Variants in RETREG3 observed in about 807,000 individuals in gnomAD.
RETREG3 encodes the protein reticulophagy regulator 3.
Under a neutral mutation model 50.2 loss-of-function variants are expected in RETREG3, and 23 were observed. The observed-to-expected ratio is 0.46, with a 90% confidence interval of 0.33 to 0.65. The LOEUF is 0.65. Among genes scored for constraint, RETREG3 ranks in the 30% least tolerant of loss-of-function variants. RETREG3 has a pLI of 0.02. For missense variants in RETREG3, 546 were observed against 598.0 expected, an observed-to-expected ratio of 0.91 and a Z score of 0.91; for synonymous variants, 240 against 234.4, an observed-to-expected ratio of 1.02 and a Z score of -0.22.
intron 1 of RETREG3, among the ~76,000 whole-genome samples, chr17:42,606,997 A>G (rs1024009048): frequency 2.0e-5 from 3 of 152,112 alleles, no homozygotes; most frequent in Non-Finnish European, 4.4e-5. Context: ...AACTGTCTCA[A>G]AACAAAAATA....
chr17:42,594,832 C>T (rs759523378), intron 1 of RETREG3, among the ~76,000 whole-genome samples: 2 of 152,020 alleles, frequency 1.3e-5, no homozygotes, highest in Admixed American at 6.6e-5. Context: ...GGCTGGGCGA[C>T]AGAGTGGAAC....
rs1309031140 is a variant in RETREG3 at position 42,582,176 on chromosome 17, C to T, written c.1038G>A (p.Glu346=). 2 of 1,614,048 alleles carry T rather than the reference C, an allele frequency of 1.2e-6. No individual in the cohort carries two copies. The highest frequency in any genetic ancestry group is 1.7e-6 in the Non-Finnish European group (2 of 1,180,016). ...TGGGCATGCCAATGCTAGTGTCGTC[C>T]TCATCATCCAGGCCAGCAGGATCCA... ...INMDPAGLDD[E]DDTSIGMPSL... The change falls in exon 9 of 9, where the codon GAG becomes GAA. Residue 346 remains glutamate, a synonymous_variant. Transcript: ENST00000309428.
rs372001517 is a variant in RETREG3 at position 42,590,362 on chromosome 17, G to A, written c.346+1694C>T. 6.6e-5 allele frequency among the ~76,000 whole-genome samples: 10 copies of A among 151,944 alleles called. No individual in the cohort carries two copies. The East Asian group carries it at 1.2e-3, about 18-fold the overall frequency. On this transcript the variant is annotated intron_variant, in intron 2 of 8. Coordinates refer to ENST00000309428, the MANE Select transcript of RETREG3 (RefSeq NM_178126.4). ...CTCCAAAACCTGGACAACACAGTGA[G>A]ACCTAGTTTGTTAAAAAATAAGAAT...
At chr17:42,609,010 G>A (rs2093173955) in intron 1 of RETREG3, 76 bp downstream of exon 1, 1 of 1,420,836 alleles carries the variant, frequency 7.0e-7, no homozygotes, top group South Asian at 1.3e-5. Context: ...AGAAAACAGG[G>A]CAGGCGAGAA....
intron 4 of RETREG3, 98 bp downstream of exon 4, chr17:42,586,667 C>T (rs2093121914): frequency 1.3e-6 from 2 of 1,488,110 alleles, no homozygotes; most frequent in East Asian, 2.3e-5. Flanking sequence ...ATAGTCTTTA[C>T]TTTCTTGAAT....
intron 5 of RETREG3, 140 bp from the exon 6 acceptor site, chr17:42,585,402 C>T: frequency 2.4e-6 from 3 of 1,230,236 alleles, no homozygotes; most frequent in Non-Finnish European, 3.3e-6. Flanking sequence ...GTCATCTTCA[C>T]CAGTCTCCCC....
intron 1 of RETREG3, among the ~76,000 whole-genome samples, chr17:42,604,757 A>C (rs917839420): frequency 2.6e-5 from 4 of 151,474 alleles, no homozygotes; most frequent in Non-Finnish European, 4.4e-5. Flanking sequence ...TCCTTGAACT[A>C]TCTCTTCATG....
chr17:42,587,012 C>T lies in RETREG3; in HGVS notation c.378-121G>A, dbSNP rs1384842908. On this transcript the variant is annotated intron_variant, in intron 3 of 8. Transcript: ENST00000309428. ...TTTGGGGAGTGACTAGGCCCAGGTG[C>T]TTTGGAGGTGAAGCATGACTTTCTT... is the stretch of plus-strand genomic sequence containing the variant. The T allele has an allele frequency of 2.3e-6, 3 of 1,327,168 alleles. No homozygotes were observed. In the African/African-American group the frequency reaches 4.4e-5, roughly 20 times the overall value. 82.2% of individuals were successfully genotyped at this position (1,327,168 alleles called of 1,614,324 possible).
rs2093108697 is a variant in RETREG3 at position 42,581,560 on chromosome 17, C to T, written c.*253G>A. 2.2e-6 allele frequency: 1 copy of T among 458,934 alleles called. No homozygotes were observed. Among genetic ancestry groups the T allele is most frequent in the African/African-American group, 2.0e-5 (1 of 50,688 alleles). 28.4% of individuals were successfully genotyped at this position (458,934 alleles called of 1,614,324 possible). ...TGACTATTTTGTTCCCCCAAAGTAC[C>T]ATCCTGATGGAGAGAAGCCTCCCTT... is the stretch of plus-strand genomic sequence containing the variant. On this transcript the variant is annotated 3_prime_UTR_variant, in exon 9 of 9. Transcript: ENST00000309428.
intron 1 of RETREG3, among the ~76,000 whole-genome samples, chr17:42,597,211 C>T (rs1479039599): frequency 1.2e-4 from 16 of 135,788 alleles, no homozygotes; most frequent in Non-Finnish European, 1.9e-4. Flanking sequence ...TTTTTTGAGA[C>T]GGAGTCTTAG....
rs981211613 is a variant in RETREG3, at chr17:42,581,180, T to G, written c.*633A>C. ...GAGTTTGAGACCAGCCTGGCCAACA[T>G]GGTGAAACCCCATTTCTACTAAAAA... is the stretch of plus-strand genomic sequence containing the variant. On this transcript the variant is annotated 3_prime_UTR_variant, in exon 9 of 9. Coordinates refer to ENST00000309428, the MANE Select transcript of RETREG3 (RefSeq NM_178126.4). 2 of 151,934 alleles carry G rather than the reference T, an allele frequency of 1.3e-5. No homozygotes were observed. The highest frequency in any genetic ancestry group is 2.9e-5 in the Non-Finnish European group (2 of 68,082). 9.4% of individuals were successfully genotyped at this position (151,934 alleles called of 1,614,324 possible).
intron 1 of RETREG3, among the ~76,000 whole-genome samples, chr17:42,605,070 T>C (rs111906240): frequency 0.016 from 2,388 of 148,942 alleles, 69 homozygotes; most frequent in African/African-American, 0.056. Flanking sequence ...ATGGCCACCA[T>C]AAATTCTCTG....
chr17:42,581,688 A>T lies in RETREG3; in HGVS notation c.*125T>A. Reference sequence around the variant, plus strand: ...CTAAGGAGGCCTCTGAGCATCAGCCAGGCCACCCAGCATACAAATATAATT... The same window carrying T: ...CTAAGGAGGCCTCTGAGCATCAGCCTGGCCACCCAGCATACAAATATAATT... On this transcript the variant is annotated 3_prime_UTR_variant, in exon 9 of 9. Transcript: ENST00000309428. The T allele has an allele frequency of 1.1e-6, 1 of 902,510 alleles. No individual in the cohort carries two copies. Among genetic ancestry groups the T allele is most frequent in the South Asian group, 1.9e-5 (1 of 51,878 alleles). 55.9% of individuals were successfully genotyped at this position (902,510 alleles called of 1,614,324 possible).
chr17:42,600,446 A>G (rs1345713744), intron 1 of RETREG3, among the ~76,000 whole-genome samples: 2 of 152,216 alleles, frequency 1.3e-5, no homozygotes, highest in Non-Finnish European at 1.5e-5. Flanking sequence ...AACACTGACT[A>G]GAATCATTAA....
chr17:42,594,458 G>A (rs1420064791), intron 1 of RETREG3, among the ~76,000 whole-genome samples: 1 of 151,924 alleles, frequency 6.6e-6, no homozygotes, highest in Admixed American at 6.6e-5. Flanking sequence ...GGAGGGTGAG[G>A]CAGGAGAATC....
chr17:42,587,434 GAT>G (rs1293426045), intron 3 of RETREG3, among the ~76,000 whole-genome samples: 4 of 152,246 alleles, frequency 2.6e-5, no homozygotes, highest in Admixed American at 6.5e-5. Context: ...TTGACTTGCT[GAT>G]GCCAGGAACC....
chr17:42,586,207 G>A lies in RETREG3; in HGVS notation c.505-70C>T, dbSNP rs1221460838. ...GGACTGGGGTGGGTGTGAAGGGTTAGGGTAGAGATATGACAGAAAGACTCT... is the reference window on the plus strand; with the variant it reads ...GGACTGGGGTGGGTGTGAAGGGTTAAGGTAGAGATATGACAGAAAGACTCT... On this transcript the variant is annotated intron_variant, in intron 4 of 8. Coordinates refer to ENST00000309428, the MANE Select transcript of RETREG3 (RefSeq NM_178126.4). 2.8e-6 allele frequency: 4 copies of A among 1,439,516 alleles called. No individual in the cohort carries two copies. The Admixed American group carries it at 6.8e-5, about 24-fold the overall frequency. 89.2% of individuals were successfully genotyped at this position (1,439,516 alleles called of 1,614,324 possible).
intron 1 of RETREG3, chr17:42,605,210 C>A (rs1356023472): frequency 6.8e-6 from 1 of 147,790 alleles, no homozygotes; most frequent in East Asian, 2.0e-4. Flanking sequence ...CAAAATATGA[C>A]TGAGGATACA....
chr17:42,585,338 T>C (rs1288015350), intron 5 of RETREG3, 76 bp from the exon 6 acceptor site: 2 of 1,570,678 alleles, frequency 1.3e-6, no homozygotes, highest in Admixed American at 1.8e-5. Context: ...AGCGCTGCTA[T>C]TGGTCCTTAG....
Sources: allele counts gnomAD v4.1 joint callset (sites outside exome capture counted in the v4.1 genomes callset), GRCh38; gene constraint gnomAD v4.1.1; transcripts MANE v1.5; gene names NCBI Gene and HGNC (gene_info 2026-07-23, HGNC 2026-07-21).